NDST1: variants seen among roughly 807,000 people sequenced by gnomAD.
NDST1 encodes bifunctional heparan sulfate N-deacetylase/N-sulfotransferase 1.
In NDST1, 35 loss-of-function variants were observed where a neutral mutation model predicts 92.8. That is an observed-to-expected ratio of 0.38 (90% confidence interval 0.29 to 0.50). The LOEUF (loss-of-function observed/expected upper bound fraction) is 0.50. Among genes scored for constraint, NDST1 ranks in the 20% least tolerant of loss-of-function variants. The pLI is 0.94. For missense variants in NDST1, 822 were observed against 1,182.7 expected (o/e 0.69, Z 4.47); for synonymous variants, 493 against 500.3 (o/e 0.99, Z 0.19).
At position 150,521,186 on chromosome 5, in the gene NDST1, C is replaced by G. The variant is rs941473390; in HGVS notation, c.-69C>G. 1 of 1,424,958 alleles carries G rather than the reference C, an allele frequency of 7.0e-7. No individual in the cohort carries two copies. The highest frequency in any genetic ancestry group is 2.3e-5 in the East Asian group (1 of 43,732). 88.3% of individuals were successfully genotyped at this position (1,424,958 alleles called of 1,614,324 possible). A position where few individuals can be genotyped will look rare whatever the true frequency, so the allele number is the denominator to read the frequency against. On this transcript the variant is annotated 5_prime_UTR_variant, in exon 2 of 15. Transcript: ENST00000261797. This position sits in a 1 kb window ranked among gnomAD's most constrained non-coding sequence, Gnocchi z 5.9. ...GGTCAGTGGACGATTCTCGTGTCTC[C>G]TCCTGTGTGGGGCCTTGGGGTAGCC...
Position 150,554,043 on chromosome 5 carries a change from GGATAT to G in NDST1, c.*715_*719del. On this transcript the variant is annotated 3_prime_UTR_variant, in exon 15 of 15. Transcript: ENST00000261797. ...CACCTGCACCCCTTTCTTCCCCCTG[GGATAT>G]GATGTGTGGTGTTTCCTGTGGTAAA... The G allele has an allele frequency of 2.5e-6, 1 of 408,110 alleles. No homozygotes were observed. Among genetic ancestry groups the G allele is most frequent in the Non-Finnish European group, 4.3e-6 (1 of 230,696 alleles). 25.3% of individuals were successfully genotyped at this position (408,110 alleles called of 1,614,324 possible). A position where few individuals can be genotyped will look rare whatever the true frequency, so the allele number is the denominator to read the frequency against.
rs1044160681 is a variant in NDST1, at chr5:150,553,603, G to A, written c.*271G>A. On this transcript the variant is annotated 3_prime_UTR_variant, in exon 15 of 15. Coordinates refer to ENST00000261797, the MANE Select transcript of NDST1 (RefSeq NM_001543.5). This position sits in a 1 kb window ranked among gnomAD's most constrained non-coding sequence, Gnocchi z 4.2. ...CTCCTGGGGAGGCCGCTTCCTGGTAGGAGGGAGTCCACGAGACTCTTTTCT... is the reference window on the plus strand; with the variant it reads ...CTCCTGGGGAGGCCGCTTCCTGGTAAGAGGGAGTCCACGAGACTCTTTTCT... 1.5e-5 allele frequency: 7 copies of A among 465,072 alleles called. No individual in the cohort carries two copies. The highest frequency in any genetic ancestry group is 3.9e-5 in the African/African-American group (2 of 50,694). The allele number at this position is 465,072 out of a possible 1,614,324, so 28.8% of individuals were successfully genotyped here.
intron 1 of NDST1, among the ~76,000 whole-genome samples, chr5:150,517,415 C>G (rs1754027515): frequency 6.6e-6 from 1 of 151,916 alleles, no homozygotes; most frequent in Non-Finnish European, 1.5e-5. Flanking sequence ...CAGGGGACTG[C>G]AGGTGTGAGC....
At position 150,511,755 on chromosome 5, in the gene NDST1, T is replaced by C. The variant is rs111896928; in HGVS notation, c.-388+3529T>C. The stretch of plus-strand genomic sequence containing the variant: ...TGGGGGTGATGGGGGATGGGGCATG[T>C]AGCAGATTCCAGCAGAGGAAGGGAT... On this transcript the variant is annotated intron_variant, in intron 1 of 14. Coordinates refer to ENST00000261797, the MANE Select transcript of NDST1 (RefSeq NM_001543.5). Among the ~76,000 whole-genome samples, 711 of 152,162 alleles carry C rather than the reference T, an allele frequency of 4.7e-3. 5 individuals are homozygous for C. Among genetic ancestry groups the C allele is most frequent in the African/African-American group, 0.016 (674 of 41,504 alleles).
At chr5:150,518,700 A>C (rs1754099809) in intron 1 of NDST1, 1 of 152,154 alleles carries the variant, frequency 6.6e-6, no homozygotes, top group African/African-American at 2.4e-5. Flanking sequence ...TACGGTAATT[A>C]TATTTCTATG....
At chr5:150,515,953 G>C (rs990690683) in intron 1 of NDST1, among the ~76,000 whole-genome samples, 1 of 151,976 alleles carries the variant, frequency 6.6e-6, no homozygotes, top group Non-Finnish European at 1.5e-5. Flanking sequence ...CAAAGCAACT[G>C]GCTTCCCCCC....
At chr5:150,505,928 G>A (rs957103885), upstream of NDST1, among the ~76,000 whole-genome samples, 1 of 151,984 alleles carries the variant, frequency 6.6e-6, no homozygotes, top group Non-Finnish European at 1.5e-5. Flanking sequence ...CTACAGGCTC[G>A]TGTCACCATG....
chr5:150,540,392 AG>A (rs1254262819), intron 8 of NDST1, 128 bp downstream of exon 8: 1 of 1,015,766 alleles, frequency 9.8e-7, no homozygotes. Flanking sequence ...ATGTAAACTC[AG>A]GTCCCCATCT....
chr5:150,521,849 T>G lies in NDST1; in HGVS notation c.513+82T>G. 1.3e-6 allele frequency: 2 copies of G among 1,567,368 alleles called. No homozygotes were observed. Among genetic ancestry groups the G allele is most frequent in the Non-Finnish European group, 1.7e-6 (2 of 1,151,170 alleles). ...TGAATTCTCATTTGTGAAATAGGTG[T>G]AATGGTAGCACCCGCCTCCTGGGGT... On this transcript the variant is annotated intron_variant, in intron 2 of 14. Transcript: ENST00000261797. This position sits in a 1 kb window ranked among gnomAD's most constrained non-coding sequence, Gnocchi z 5.9.
At chr5:150,535,972 G>A (rs933633413) in intron 6 of NDST1, 87 bp downstream of exon 6, 1 of 1,451,090 alleles carries the variant, frequency 6.9e-7, no homozygotes, top group African/African-American at 1.4e-5. Flanking sequence ...GGTAAGCACG[G>A]CTCTGGTTTG....
At chr5:150,543,362 T>C (rs1170707208) in intron 10 of NDST1, among the ~76,000 whole-genome samples, 5 of 152,158 alleles carry the variant, frequency 3.3e-5, no homozygotes, top group Non-Finnish European at 7.4e-5. Flanking sequence ...TTGTGGGCCC[T>C]TCAGGGACAG....
chr5:150,534,804 C>T, intron 4 of NDST1, 63 bp from the exon 5 acceptor site: 1 of 1,603,436 alleles, frequency 6.2e-7, no homozygotes, highest in Admixed American at 1.7e-5. Flanking sequence ...TCCCCAGGCA[C>T]AGGCCCAGGT....
Position 150,551,819 on chromosome 5 carries a change from A to G in NDST1, c.2493A>G (p.Lys831=). 6.2e-7 allele frequency: 1 copy of G among 1,613,626 alleles called. No individual in the cohort carries two copies. ...GAGGAAAAACCAAGTGTCTGGGCAA[A>G]AGCAAGGGCCGGAAATATCCCGAGA... ...LEGGKTKCLG[K]SKGRKYPEMD... is the part of the protein sequence containing the mutation. Residue 831 remains lysine (K), a synonymous_variant, in exon 14 of 15, where the codon AAA becomes AAG. Transcript: ENST00000261797.
chr5:150,532,630 G>A (rs1198372208), intron 3 of NDST1, among the ~76,000 whole-genome samples: 2 of 152,052 alleles, frequency 1.3e-5, no homozygotes, highest in Non-Finnish European at 2.9e-5. Flanking sequence ...GGGTTCAAGC[G>A]ATTCTCCTGC....
chr5:150,509,809 G>A (rs936324556), intron 1 of NDST1, among the ~76,000 whole-genome samples: 5 of 152,268 alleles, frequency 3.3e-5, no homozygotes, highest in East Asian at 3.9e-4. Flanking sequence ...GCCCCGAGCC[G>A]CCATCCCCCT....
chr5:150,530,852 A>C (rs1754698260), intron 3 of NDST1, among the ~76,000 whole-genome samples: 1 of 152,064 alleles, frequency 6.6e-6, no homozygotes, highest in African/African-American at 2.4e-5. Context: ...GAGCCACCGC[A>C]CCTGGCCCTA....
chr5:150,523,503 G>A (rs1196722642), intron 2 of NDST1, among the ~76,000 whole-genome samples: 2 of 152,246 alleles, frequency 1.3e-5, no homozygotes, highest in Non-Finnish European at 2.9e-5. Context: ...TGAGGCAAAG[G>A]AGGATAAGCA....
At chr5:150,526,519 G>T (rs185715110) in intron 2 of NDST1, among the ~76,000 whole-genome samples, 1 of 152,194 alleles carries the variant, frequency 6.6e-6, no homozygotes, top group South Asian at 2.1e-4. Context: ...ATTGAATTGT[G>T]TGTGTTCCTG....
intron 14 of NDST1, chr5:150,552,613 A>C (rs994296197): frequency 2.2e-5 from 4 of 185,016 alleles, no homozygotes; most frequent in Non-Finnish European, 4.6e-5. Context: ...TCAGCCTGCC[A>C]TAGTGCTGGT....
Sources: allele counts gnomAD v4.1 joint callset (sites outside exome capture counted in the v4.1 genomes callset), GRCh38; gene constraint gnomAD v4.1.1; non-coding constraint Gnocchi (gnomAD v3.1); transcripts MANE v1.5; gene names NCBI Gene and HGNC (gene_info 2026-07-23, HGNC 2026-07-21).